PHYHIP: variants seen among roughly 807,000 people sequenced by gnomAD.
The protein encoded by PHYHIP is phytanoyl-CoA 2-hydroxylase interacting protein.
Under a neutral mutation model 26.1 loss-of-function variants are expected in PHYHIP, and 7 were observed. The ratio of observed to expected loss-of-function variants is 0.27; its 90% CI spans 0.15 to 0.50. The LOEUF is 0.50. PHYHIP is among the 20% of genes least tolerant of loss of function. PHYHIP has a pLI of 0.98. For missense variants in PHYHIP, 232 were observed against 454.7 expected (o/e 0.51, Z 4.45); for synonymous variants, 206 against 183.4 (o/e 1.12, Z -1.00).
intron 2 of PHYHIP, 97 bp from the exon 3 acceptor site, chr8:22,227,122 G>T: frequency 1.8e-6 from 2 of 1,119,240 alleles, no homozygotes; most frequent in Non-Finnish European, 2.5e-6. Context: ...AGATGGCCCT[G>T]TTTCTCCTGA....
chr8:22,230,650 G>A (rs1035102751), intron 1 of PHYHIP, among the ~76,000 whole-genome samples: 5 of 151,472 alleles, frequency 3.3e-5, no homozygotes, highest in South Asian at 2.1e-4. Flanking sequence ...AGGCACGCAC[G>A]CGCATACACA....
intron 3 of PHYHIP, 69 bp from the exon 4 acceptor site, chr8:22,224,412 C>T: frequency 1.2e-6 from 1 of 862,710 alleles, no homozygotes; most frequent in South Asian, 1.4e-5. Context: ...CCTGTCCCCA[C>T]CCCACCCCAC....
chr8:22,228,379 T>C lies in PHYHIP; in HGVS notation c.-22A>G, dbSNP rs1242459713. 1 of 1,565,030 alleles carries C rather than the reference T, an allele frequency of 6.4e-7. No individual in the cohort carries two copies. The highest frequency in any genetic ancestry group is 8.7e-7 in the Non-Finnish European group (1 of 1,153,216). On this transcript the variant is annotated 5_prime_UTR_variant, in exon 2 of 5. Transcript: ENST00000454243. ...CCATGCTCCCGTCAGGGTTGTCTCC[T>C]GTGGGGACTGAGGAGGAGGGAAAGG...
chr8:22,229,318 G>A (rs1036796751), intron 1 of PHYHIP, among the ~76,000 whole-genome samples: 2 of 152,186 alleles, frequency 1.3e-5, no homozygotes, highest in African/African-American at 2.4e-5. Flanking sequence ...CATGTGTGGC[G>A]TGTGTGCATG....
chr8:22,225,322 C>A (rs1371226590), intron 3 of PHYHIP, among the ~76,000 whole-genome samples: 2 of 151,966 alleles, frequency 1.3e-5, no homozygotes, highest in Non-Finnish European at 2.9e-5. Context: ...AAAAAAATAT[C>A]AAAAATTAGC....
intron 1 of PHYHIP, among the ~76,000 whole-genome samples, chr8:22,231,464 C>T (rs1452652249): frequency 6.6e-6 from 1 of 152,136 alleles, no homozygotes; most frequent in South Asian, 2.1e-4. Context: ...CGCGAGCGCG[C>T]ACACACACAC....
chr8:22,227,805 C>CCGGG, intron 2 of PHYHIP: 1 of 440,916 alleles, frequency 2.3e-6, no homozygotes, highest in South Asian at 1.6e-5. Flanking sequence ...GTGCCCTGAG[C>CCGGG]CGGGGCTTTG....
In PHYHIP at chr8:22,221,069, T is replaced by A. The variant is rs138718567; in HGVS notation, c.*284A>T. 2.1e-4 allele frequency: 87 copies of A among 413,760 alleles called. No homozygotes were observed. The highest frequency in any genetic ancestry group is 1.5e-3 in the African/African-American group (74 of 51,012). 25.6% of individuals were successfully genotyped at this position (413,760 alleles called of 1,614,324 possible). ...GAGACCTGGACGAGGCAAAGAACAGTAGGACAAGGAAACCAGAGGAAAGGG... is the reference window on the plus strand; with the variant it reads ...GAGACCTGGACGAGGCAAAGAACAGAAGGACAAGGAAACCAGAGGAAAGGG... On this transcript the variant is annotated 3_prime_UTR_variant, in exon 5 of 5. Transcript: ENST00000454243. This position sits in a 1 kb window ranked among gnomAD's most constrained non-coding sequence, Gnocchi z 7.9.
intron 4 of PHYHIP, among the ~76,000 whole-genome samples, chr8:22,222,281 A>G (rs190325948): frequency 1.9e-4 from 28 of 151,118 alleles, no homozygotes; most frequent in African/African-American, 6.1e-4. Context: ...CCTATGCAGG[A>G]CTCTTCCCTC....
At chr8:22,230,657 C>T (rs1266715766) in intron 1 of PHYHIP, among the ~76,000 whole-genome samples, 1 of 152,160 alleles carries the variant, frequency 6.6e-6, no homozygotes, top group African/African-American at 2.4e-5. Flanking sequence ...CACGCGCATA[C>T]ACACATGCGC....
chr8:22,223,965 C>T lies in PHYHIP; in HGVS notation c.458+261G>A, dbSNP rs924013640. ...GGAACTGTCCCAGAGTGGGAGCAAA[C>T]CCAGACCTCATTCTCCCAGGCTCAT... On this transcript the variant is annotated intron_variant, in intron 4 of 4. Transcript: ENST00000454243. 1.1e-5 allele frequency: 5 copies of T among 436,838 alleles called. 1 individual carries two copies. The highest frequency in any genetic ancestry group is 5.3e-5 in the South Asian group (2 of 37,876). 27.1% of individuals were successfully genotyped at this position (436,838 alleles called of 1,614,324 possible).
chr8:22,221,260 G>T lies in PHYHIP; in HGVS notation c.*93C>A. On this transcript the variant is annotated 3_prime_UTR_variant, in exon 5 of 5. Transcript: ENST00000454243. This position sits in a 1 kb window ranked among gnomAD's most constrained non-coding sequence, Gnocchi z 7.9. ...GCTGGGCAGAGTGGAGGGAGCAGGG[G>T]GGCAGGAGAGAGAAAGCCAGCTCCC... The T allele has an allele frequency of 2.5e-6, 3 of 1,210,730 alleles. No individual in the cohort carries two copies. The highest frequency in any genetic ancestry group is 3.4e-6 in the Non-Finnish European group (3 of 881,290). 75.0% of individuals were successfully genotyped at this position (1,210,730 alleles called of 1,614,324 possible). A position where few individuals can be genotyped will look rare whatever the true frequency, so the allele number is the denominator to read the frequency against.
At chr8:22,227,414 G>T (rs1488848088) in intron 2 of PHYHIP, among the ~76,000 whole-genome samples, 2 of 152,146 alleles carry the variant, frequency 1.3e-5, no homozygotes, top group African/African-American at 4.8e-5. Context: ...GGGGGGGAGG[G>T]TTAAGGGGGT....
Position 22,221,452 on chromosome 8 carries a change from G to T in PHYHIP, c.894C>A (p.Thr298=). Residue 298 remains threonine, a synonymous_variant, in exon 5 of 5, where the codon ACC becomes ACA. Coordinates refer to ENST00000454243, the MANE Select transcript of PHYHIP (RefSeq NM_014759.5). The surrounding 1 kb of genome is among the most constrained non-coding windows in gnomAD (Gnocchi z 7.9). The stretch of plus-strand genomic sequence containing the variant: ...GCTGGTGCCCACTGATCTCCCCCAG[G>T]GTGCCCAGGGACAGGTCGACGGGCT... ...YTEPVDLSLG[T]LGEISGHQLM... is the part of the protein sequence containing the mutation. 6.2e-7 allele frequency: 1 copy of T among 1,614,162 alleles called. No homozygotes were observed.
Position 22,231,921 on chromosome 8 carries a change from G to A in PHYHIP, c.-155C>T, listed in dbSNP as rs1207368861. On this transcript the variant is annotated 5_prime_UTR_variant, in exon 1 of 5. Coordinates refer to ENST00000454243, the MANE Select transcript of PHYHIP (RefSeq NM_014759.5). ...GGGTCACGGGCAGTGGCGTGCGCTT[G>A]CTCCTCTCCCGGCTGCCAAGGAGGC... The A allele has an allele frequency of 6.6e-6, 1 of 152,440 alleles. No homozygotes were observed. The highest frequency in any genetic ancestry group is 1.9e-4 in the East Asian group (1 of 5,176). The allele number at this position is 152,440 out of a possible 1,614,324, so 9.4% of individuals were successfully genotyped here. A position where few individuals can be genotyped will look rare whatever the true frequency, so the allele number is the denominator to read the frequency against.
chr8:22,230,936 A>T (rs1172808052), intron 1 of PHYHIP, among the ~76,000 whole-genome samples: 1 of 152,074 alleles, frequency 6.6e-6, no homozygotes, highest in Non-Finnish European at 1.5e-5. Context: ...CCACCTCCAC[A>T]AGAAGGCACG....
chr8:22,224,321 A>G lies in PHYHIP; in HGVS notation c.363T>C (p.Ala121=). ...CTGDYAKEHL[A]QLQEKAEQIA... is the part of the protein sequence containing the mutation. Reference sequence around the variant, plus strand: ...TCTGCTCAGCTTTCTCCTGAAGCTGAGCCAGGTGCTCCTTGGCATAATCTG... The same window carrying G: ...TCTGCTCAGCTTTCTCCTGAAGCTGGGCCAGGTGCTCCTTGGCATAATCTG... The change falls in exon 4 of 5, where the codon GCT becomes GCC. Residue 121 remains alanine, a synonymous_variant. Coordinates refer to ENST00000454243, the MANE Select transcript of PHYHIP (RefSeq NM_014759.5). 4 of 1,608,696 alleles carry G rather than the reference A, an allele frequency of 2.5e-6. No homozygotes were observed. The highest frequency in any genetic ancestry group is 3.4e-6 in the Non-Finnish European group (4 of 1,176,006).
chr8:22,227,606 A>T, intron 2 of PHYHIP: 1 of 453,126 alleles, frequency 2.2e-6, no homozygotes. Context: ...TCTTCCTCCC[A>T]CCCACCCCCA....
Position 22,221,536 on chromosome 8 carries a change from C to T in PHYHIP, c.810G>A (p.Glu270=), listed in dbSNP as rs1171302823. Residue 270 remains glutamate, a synonymous_variant, in exon 5 of 5, where the codon GAG becomes GAA. Transcript: ENST00000454243. The surrounding 1 kb of genome is among the most constrained non-coding windows in gnomAD (Gnocchi z 7.9). ...ACNKFLTCSV[E]DGELVFRHAQ... ...CGTGGCGGAAGACCAGCTCCCCATC[C>T]TCCACGCTGCAGGTCAGGAACTTGT... The T allele has an allele frequency of 6.2e-7, 1 of 1,614,168 alleles. No individual in the cohort carries two copies. Among genetic ancestry groups the T allele is most frequent in the Admixed American group, 1.7e-5 (1 of 60,026 alleles).
Sources: allele counts gnomAD v4.1 joint callset (sites outside exome capture counted in the v4.1 genomes callset), GRCh38; gene constraint gnomAD v4.1.1; non-coding constraint Gnocchi (gnomAD v3.1); transcripts MANE v1.5; gene names NCBI Gene and HGNC (gene_info 2026-07-23, HGNC 2026-07-21).